Variants in DRD2 observed in about 807,000 individuals in gnomAD.
DRD2 encodes the protein D(2) dopamine receptor.
DRD2 carries 8 observed loss-of-function variants against 38.0 expected under a neutral mutation model. The observed-to-expected ratio is 0.21, with a 90% CI of 0.12 to 0.38. DRD2 has a LOEUF of 0.38. Among genes scored for constraint, DRD2 ranks in the 10% least tolerant of loss-of-function variants. The pLI is 1.00. For missense variants in DRD2, 403 were observed against 607.7 expected (o/e 0.66, Z 3.54); for synonymous variants, 230 against 238.6 (o/e 0.96, Z 0.33).
intron 1 of DRD2, among the ~76,000 whole-genome samples, chr11:113,450,714 G>T (rs1447256892): frequency 6.6e-6 from 1 of 152,110 alleles, no homozygotes; most frequent in East Asian, 1.9e-4. Flanking sequence ...GAGAGTTATG[G>T]CCCCTGATTA....
chr11:113,424,938 A>G, intron 1 of DRD2: 1 of 490,394 alleles, frequency 2.0e-6, no homozygotes, highest in South Asian at 2.2e-5. Context: ...GAGCTGATCC[A>G]TCATTTATTT....
chr11:113,466,073 T>C (rs892705128), intron 1 of DRD2, among the ~76,000 whole-genome samples: 7 of 152,180 alleles, frequency 4.6e-5, no homozygotes, highest in Admixed American at 2.6e-4. Flanking sequence ...AGTAACTTGA[T>C]AGAGGTCACA....
intron 1 of DRD2, among the ~76,000 whole-genome samples, chr11:113,425,188 G>A (rs1324261657): frequency 6.6e-6 from 1 of 152,148 alleles, no homozygotes; most frequent in Non-Finnish European, 1.5e-5. Flanking sequence ...TTACATCTAA[G>A]GGTGATAGGG....
At chr11:113,436,078 C>A (rs1951032948) in intron 1 of DRD2, among the ~76,000 whole-genome samples, 1 of 152,218 alleles carries the variant, frequency 6.6e-6, no homozygotes, top group Admixed American at 6.5e-5. Flanking sequence ...TCGGCTCCAG[C>A]AGGCTGACAC....
chr11:113,431,821 G>A (rs931192717), intron 1 of DRD2, among the ~76,000 whole-genome samples: 10 of 152,226 alleles, frequency 6.6e-5, no homozygotes, highest in African/African-American at 2.2e-4. Flanking sequence ...TTCTGTGCGT[G>A]CCCTAATTTG....
chr11:113,414,575 A>T, intron 5 of DRD2, 114 bp from the exon 6 acceptor site: 7 of 1,093,358 alleles, frequency 6.4e-6, no homozygotes, highest in Non-Finnish European at 9.8e-6. Context: ...CTCAGAGATC[A>T]GGAGGGTGGG....
chr11:113,438,930 G>A (rs978809800), intron 1 of DRD2, among the ~76,000 whole-genome samples: 3 of 152,208 alleles, frequency 2.0e-5, no homozygotes. Context: ...TCCCTTGGAT[G>A]AGCCACTTCT....
chr11:113,448,289 A>G (rs1051660680), intron 1 of DRD2, among the ~76,000 whole-genome samples: 12 of 152,260 alleles, frequency 7.9e-5, no homozygotes, highest in Non-Finnish European at 1.6e-4. Flanking sequence ...TCTGACTTCA[A>G]CCTGGGGCAG....
At chr11:113,452,470 G>GTGCA (rs1491549399) in intron 1 of DRD2, among the ~76,000 whole-genome samples, 4 of 39,556 alleles carry the variant, frequency 1.0e-4, no homozygotes, top group Non-Finnish European at 3.0e-4. Flanking sequence ...GTGTGTGTGT[G>GTGCA]CGCGCGCGCG....
chr11:113,453,123 C>T (rs372035008), intron 1 of DRD2, among the ~76,000 whole-genome samples: 4 of 152,290 alleles, frequency 2.6e-5, no homozygotes, highest in East Asian at 1.9e-4. Flanking sequence ...AGTTTTATCA[C>T]CTATCAAATG....
chr11:113,471,316 G>A (rs1184233576), intron 1 of DRD2, among the ~76,000 whole-genome samples: 3 of 152,180 alleles, frequency 2.0e-5, no homozygotes, highest in Admixed American at 2.0e-4. Flanking sequence ...CACCATTAGA[G>A]TAATTTAAAA....
chr11:113,412,504 G>A (rs868043525), intron 7 of DRD2, 52 bp downstream of exon 7: 10 of 1,597,682 alleles, frequency 6.3e-6, no homozygotes, highest in South Asian at 1.1e-5. Flanking sequence ...ACATGGCAGG[G>A]AATGGGACCT....
At chr11:113,464,106 C>T (rs536367765) in intron 1 of DRD2, among the ~76,000 whole-genome samples, 1 of 152,254 alleles carries the variant, frequency 6.6e-6, no homozygotes, top group South Asian at 2.1e-4. Flanking sequence ...ATCTTTATAC[C>T]CACTTGCCAC....
At chr11:113,425,198 G>T (rs1457503884) in intron 1 of DRD2, among the ~76,000 whole-genome samples, 3 of 152,222 alleles carry the variant, frequency 2.0e-5, no homozygotes, top group African/African-American at 7.2e-5. Flanking sequence ...GGGTGATAGG[G>T]AGTAGGAAAT....
rs758685318 is a variant in DRD2 at position 113,415,624 on chromosome 11, G to C, written c.533-13C>G. ...CACTCGTTCTGGTCTGGGGGAGGGA[G>C]AGCCCGGGCAGGCAGGGAGTCAGCG... is the stretch of plus-strand genomic sequence containing the variant. On this transcript the variant is annotated splice_polypyrimidine_tract_variant and intron_variant, in intron 4 of 7. Coordinates refer to ENST00000362072, the MANE Select transcript of DRD2 (RefSeq NM_000795.4). The C allele has an allele frequency of 1.9e-6, 3 of 1,606,272 alleles. No individual in the cohort carries two copies. Among genetic ancestry groups the C allele is most frequent in the Non-Finnish European group, 2.6e-6 (3 of 1,176,036 alleles).
chr11:113,421,602 G>A (rs1036191860), intron 2 of DRD2, among the ~76,000 whole-genome samples: 8 of 117,080 alleles, frequency 6.8e-5, no homozygotes, highest in South Asian at 2.5e-4. Flanking sequence ...CAAAACCAGC[G>A]TGCTTTTCAT....
chr11:113,419,471 C>CACACAT (rs1555165136), intron 2 of DRD2, among the ~76,000 whole-genome samples: 3 of 150,452 alleles, frequency 2.0e-5, no homozygotes, highest in Non-Finnish European at 4.4e-5. Context: ...CACACACACA[C>CACACAT]ATGAACGCAC....
At chr11:113,427,370 T>C (rs1293728950) in intron 1 of DRD2, among the ~76,000 whole-genome samples, 1 of 152,024 alleles carries the variant, frequency 6.6e-6, no homozygotes, top group Non-Finnish European at 1.5e-5. Flanking sequence ...GCCTGAGCCA[T>C]CACCCACCCT....
chr11:113,419,792 C>A (rs1347262393), intron 2 of DRD2, among the ~76,000 whole-genome samples: 2 of 152,186 alleles, frequency 1.3e-5, no homozygotes, highest in Non-Finnish European at 2.9e-5. Flanking sequence ...CCTAGGCATC[C>A]AACCAAATGC....
Sources: allele counts gnomAD v4.1 joint callset (sites outside exome capture counted in the v4.1 genomes callset), GRCh38; gene constraint gnomAD v4.1.1; transcripts MANE v1.5; gene names NCBI Gene and HGNC (gene_info 2026-07-23, HGNC 2026-07-21).